The following CYB5R4 variants were observed in gnomAD, a reference collection of about 807,000 sequenced individuals.
CYB5R4 encodes the protein cytochrome b5 reductase 4.
In CYB5R4, 55 loss-of-function variants were observed where a neutral mutation model predicts 70.2. That is an observed-to-expected ratio of 0.78 (90% CI 0.63 to 0.98). The LOEUF (loss-of-function observed/expected upper bound fraction) is 0.98. Among genes scored for constraint, CYB5R4 ranks in the 50% least tolerant of loss-of-function variants. The pLI is 0.00. For missense variants in CYB5R4, 562 were observed against 612.6 expected (o/e 0.92, Z 0.87); for synonymous variants, 197 against 199.5 (o/e 0.99, Z 0.11).
intron 2 of CYB5R4, among the ~76,000 whole-genome samples, chr6:83,874,948 G>T (rs567697992): frequency 7.2e-5 from 11 of 151,968 alleles, no homozygotes; most frequent in African/African-American, 2.4e-4. Flanking sequence ...TCAGCCTCCT[G>T]AGTAGCTGGG....
intron 4 of CYB5R4, among the ~76,000 whole-genome samples, chr6:83,909,830 C>T (rs986021282): frequency 6.6e-6 from 1 of 152,058 alleles, no homozygotes; most frequent in South Asian, 2.1e-4. Context: ...GTTGTTAGAA[C>T]GAAAGTAAAT....
At chr6:83,897,572 T>C (rs1319178636) in intron 3 of CYB5R4, among the ~76,000 whole-genome samples, 1 of 152,342 alleles carries the variant, frequency 6.6e-6, no homozygotes, top group Middle Eastern at 3.4e-3. Context: ...TTCCTGACTT[T>C]TTAATGATGG....
At chr6:83,897,145 G>A (rs370607591) in intron 3 of CYB5R4, among the ~76,000 whole-genome samples, 1 of 151,046 alleles carries the variant, frequency 6.6e-6, no homozygotes, top group Admixed American at 6.6e-5. Flanking sequence ...CCACCTATGA[G>A]TGAGAACATG....
Position 83,962,713 on chromosome 6 carries a change from T to C in CYB5R4, c.*2835T>C, listed in dbSNP as rs1181632720. Reference sequence around the variant, plus strand: ...GAGGCTGTAAGGGGAAGTCCCTAGATAAGAGTTCTTTCAGCCTCATTAGGT... The same window carrying C: ...GAGGCTGTAAGGGGAAGTCCCTAGACAAGAGTTCTTTCAGCCTCATTAGGT... On this transcript the variant is annotated 3_prime_UTR_variant, in exon 16 of 16. Transcript: ENST00000369681. The C allele has an allele frequency of 1.3e-5, 2 of 152,234 alleles. No homozygotes were observed. The highest frequency in any genetic ancestry group is 2.9e-5 in the Non-Finnish European group (2 of 68,052). The allele number at this position is 152,234 out of a possible 1,614,324, so 9.4% of individuals were successfully genotyped here.
intron 1 of CYB5R4, among the ~76,000 whole-genome samples, chr6:83,863,765 C>T (rs949073622): frequency 6.6e-6 from 1 of 152,078 alleles, no homozygotes; most frequent in Non-Finnish European, 1.5e-5. Flanking sequence ...TAAAACAATG[C>T]AATACAACAA....
At chr6:83,913,111 T>C (rs565898263) in intron 4 of CYB5R4, among the ~76,000 whole-genome samples, 2 of 152,132 alleles carry the variant, frequency 1.3e-5, no homozygotes, top group Non-Finnish European at 2.9e-5. Flanking sequence ...ACACTGAAAA[T>C]AGATACATGT....
chr6:83,879,579 T>A (rs1179028227), intron 2 of CYB5R4, among the ~76,000 whole-genome samples: 1 of 152,126 alleles, frequency 6.6e-6, no homozygotes. Flanking sequence ...ACCCTGGCAG[T>A]AGCTCATTAA....
chr6:83,914,727 G>C (rs111531516), intron 5 of CYB5R4, among the ~76,000 whole-genome samples: 246 of 152,008 alleles, frequency 1.6e-3, no homozygotes, highest in African/African-American at 5.5e-3. Flanking sequence ...AGTAGAGATG[G>C]GGTTTCACCA....
chr6:83,951,427 C>G (rs1302493892), intron 14 of CYB5R4, among the ~76,000 whole-genome samples: 1 of 152,158 alleles, frequency 6.6e-6, no homozygotes, highest in Non-Finnish European at 1.5e-5. Flanking sequence ...TAATTCATCC[C>G]TCCCCTGCCC....
intron 2 of CYB5R4, among the ~76,000 whole-genome samples, chr6:83,890,999 G>A (rs568498263): frequency 1.3e-5 from 2 of 152,256 alleles, no homozygotes; most frequent in East Asian, 3.9e-4. Context: ...CTGGAGTGCA[G>A]TGGCATGATC....
In CYB5R4 at chr6:83,961,406, AG is replaced by A. The variant is rs1375436289; in HGVS notation, c.*1531del. 6.6e-6 allele frequency: 1 copy of A among 151,728 alleles called. No individual in the cohort carries two copies. The highest frequency in any genetic ancestry group is 1.5e-5 in the Non-Finnish European group (1 of 67,954). The allele number at this position is 151,728 out of a possible 1,614,324, so 9.4% of individuals were successfully genotyped here. On this transcript the variant is annotated 3_prime_UTR_variant, in exon 16 of 16. Transcript: ENST00000369681. ...AATTGTAATTCCCACATGTCGAGGG[AG>A]GGTCTTGGTGGGAGGTGATTGGATC...
At chr6:83,911,318 G>A (rs2099464648) in intron 4 of CYB5R4, among the ~76,000 whole-genome samples, 1 of 152,062 alleles carries the variant, frequency 6.6e-6, no homozygotes, top group Admixed American at 6.6e-5. Context: ...TCTGTTTAGA[G>A]ATATGGAGGA....
chr6:83,909,166 T>A, intron 4 of CYB5R4, 76 bp downstream of exon 4: 1 of 1,206,832 alleles, frequency 8.3e-7, no homozygotes, highest in Non-Finnish European at 1.2e-6. Context: ...TTTAAACAAC[T>A]AGGTCTATAC....
At chr6:83,943,607 G>A (rs907928725) in intron 14 of CYB5R4, among the ~76,000 whole-genome samples, 4 of 152,174 alleles carry the variant, frequency 2.6e-5, no homozygotes, top group African/African-American at 7.2e-5. Context: ...TAACTGGATG[G>A]ATAATGAATT....
intron 14 of CYB5R4, among the ~76,000 whole-genome samples, chr6:83,942,224 C>T (rs1248373039): frequency 6.6e-6 from 1 of 152,208 alleles, no homozygotes; most frequent in South Asian, 2.1e-4. Flanking sequence ...CAGCTCCCAG[C>T]GAGACCAACA....
intron 3 of CYB5R4, among the ~76,000 whole-genome samples, chr6:83,896,113 T>G (rs935942370): frequency 5.3e-5 from 8 of 152,160 alleles, no homozygotes. Flanking sequence ...GAGTAATCTT[T>G]TTCATCTCTG....
intron 2 of CYB5R4, among the ~76,000 whole-genome samples, chr6:83,867,413 T>A (rs1403232615): frequency 1.3e-5 from 2 of 152,184 alleles, no homozygotes; most frequent in Admixed American, 1.3e-4. Flanking sequence ...GACTGGGAAA[T>A]GTGTTCCTCA....
chr6:83,922,427 G>T lies in CYB5R4; in HGVS notation c.659-11G>T. ...AGTTCTATTTTAACTAAATAAATTT[G>T]TCTGTCCTAGGGCTAAGCCATGAGG... On this transcript the variant is annotated splice_polypyrimidine_tract_variant and intron_variant, in intron 8 of 15. Coordinates refer to ENST00000369681, the MANE Select transcript of CYB5R4 (RefSeq NM_016230.4). 5 of 1,605,414 alleles carry T rather than the reference G, an allele frequency of 3.1e-6. No individual in the cohort carries two copies. The highest frequency in any genetic ancestry group is 1.1e-5 in the South Asian group (1 of 88,646).
chr6:83,879,058 C>T (rs1217822622), intron 2 of CYB5R4, among the ~76,000 whole-genome samples: 1 of 152,092 alleles, frequency 6.6e-6, no homozygotes, highest in Non-Finnish European at 1.5e-5. Flanking sequence ...AGGGGTTTTG[C>T]AGTTTTCCTG....
Sources: allele counts gnomAD v4.1 joint callset (sites outside exome capture counted in the v4.1 genomes callset), GRCh38; gene constraint gnomAD v4.1.1; transcripts MANE v1.5; gene names NCBI Gene and HGNC (gene_info 2026-07-23, HGNC 2026-07-21).